The following USP6NL variants were observed in gnomAD, a reference collection of about 807,000 sequenced individuals.
USP6NL encodes the protein USP6 N-terminal like, also known as USP6 N-terminal-like protein.
In USP6NL, 26 loss-of-function variants were observed where a neutral mutation model predicts 61.9. That is an observed-to-expected ratio of 0.42 (90% confidence interval 0.31 to 0.58). The LOEUF (loss-of-function observed/expected upper bound fraction) is 0.58. Among genes scored for constraint, USP6NL ranks in the 20% least tolerant of loss-of-function variants. USP6NL has a pLI of 0.16. For missense variants in USP6NL, 1,114 were observed against 1,034.3 expected (o/e 1.08, Z -1.06); for synonymous variants, 432 against 390.1 (o/e 1.11, Z -1.27).
rs115877622 is a variant in USP6NL at position 11,495,414 on chromosome 10, G to T, written c.385-2186C>A. Among the ~76,000 whole-genome samples, 548 of 152,190 alleles carry T rather than the reference G, an allele frequency of 3.6e-3. 4 individuals carry two copies. Among genetic ancestry groups the T allele is most frequent in the African/African-American group, 0.013 (530 of 41,510 alleles). ...TCCTCGGTCTCTTGCCTCAGCACCT[G>T]GATGGCTTGCCGCCCACACCCTCCC... On this transcript the variant is annotated intron_variant, in intron 7 of 14. Transcript: ENST00000609104. The surrounding 1 kb of genome is among the most constrained non-coding windows in gnomAD (Gnocchi z 4.6).
intron 7 of USP6NL, among the ~76,000 whole-genome samples, chr10:11,500,619 T>C (rs1412175225): frequency 2.0e-5 from 3 of 152,170 alleles, no homozygotes; most frequent in Non-Finnish European, 2.9e-5. Context: ...AACCTAGAGA[T>C]ACCCTAATAA....
chr10:11,608,783 A>G (rs1564247949), intron 1 of USP6NL, among the ~76,000 whole-genome samples: 1 of 152,190 alleles, frequency 6.6e-6, no homozygotes, highest in East Asian at 1.9e-4. Flanking sequence ...ATCCTCCCCA[A>G]TTTTACAAAG....
At chr10:11,534,204 G>A (rs1055349752) in intron 2 of USP6NL, among the ~76,000 whole-genome samples, 1 of 152,182 alleles carries the variant, frequency 6.6e-6, no homozygotes, top group African/African-American at 2.4e-5. Context: ...TTCCATCACT[G>A]ACCTTCTTGC....
At chr10:11,543,377 T>G (rs1327955889) in intron 2 of USP6NL, among the ~76,000 whole-genome samples, 2 of 151,784 alleles carry the variant, frequency 1.3e-5, no homozygotes, top group Admixed American at 1.3e-4. Context: ...CCGTCTCTAC[T>G]AAAAAACACA....
At position 11,462,705 on chromosome 10, in the gene USP6NL, A is replaced by G. The variant is rs199580186; in HGVS notation, c.2223T>C (p.Tyr741=). The G allele has an allele frequency of 2.3e-4, 366 of 1,614,022 alleles. 1 individual carries two copies. In the African/African-American group the frequency reaches 4.2e-3, roughly 18 times the overall value. The change falls in exon 15 of 15, where the codon TAT becomes TAC. Residue 741 remains tyrosine, a synonymous_variant. Transcript: ENST00000609104. ...PDNRTWSEVS[Y]TYRPETQGQS... ...GTCCCTGCGTCTCAGGTCTGTATGT[A>G]TAACTAACTTCTGACCATGTTCTGT... is the stretch of plus-strand genomic sequence containing the variant.
At chr10:11,512,654 A>T (rs1834772260) in intron 5 of USP6NL, among the ~76,000 whole-genome samples, 1 of 152,200 alleles carries the variant, frequency 6.6e-6, no homozygotes, top group South Asian at 2.1e-4. Flanking sequence ...ACTATTTGTC[A>T]TTCCCATACA....
At chr10:11,516,841 T>C (rs753200458) in intron 5 of USP6NL, among the ~76,000 whole-genome samples, 18 of 152,352 alleles carry the variant, frequency 1.2e-4, no homozygotes, top group Admixed American at 5.2e-4. Context: ...TCATTTACTA[T>C]ATAGGCACAT....
intron 14 of USP6NL, among the ~76,000 whole-genome samples, chr10:11,475,703 C>T (rs552457065): frequency 1.2e-3 from 176 of 151,412 alleles, no homozygotes; most frequent in African/African-American, 4.0e-3. Context: ...TCAATGGAAG[C>T]CAAAAGCATG....
chr10:11,558,458 T>C (rs569774786), intron 2 of USP6NL, among the ~76,000 whole-genome samples: 2 of 152,162 alleles, frequency 1.3e-5, no homozygotes, highest in South Asian at 2.1e-4. Flanking sequence ...TCTACCCTTA[T>C]ATTCCCTGAA....
chr10:11,542,448 G>A (rs929425822), intron 2 of USP6NL, among the ~76,000 whole-genome samples: 2 of 152,206 alleles, frequency 1.3e-5, no homozygotes, highest in African/African-American at 4.8e-5. Context: ...GCTGGGCACA[G>A]TGGCTCATGC....
chr10:11,560,580 T>G (rs1047337708), intron 2 of USP6NL, among the ~76,000 whole-genome samples: 1 of 151,640 alleles, frequency 6.6e-6, no homozygotes. Flanking sequence ...AGCAACACTT[T>G]TGGGTTATCT....
chr10:11,463,737 C>T lies in USP6NL; in HGVS notation c.1191G>A (p.Pro397=), dbSNP rs374128834. 189 of 1,599,028 alleles carry T rather than the reference C, an allele frequency of 1.2e-4. No homozygotes were observed. The highest frequency in any genetic ancestry group is 1.2e-3 in the African/African-American group (86 of 74,600). Residue 397 remains proline, a synonymous_variant, in exon 15 of 15, where the codon CCG becomes CCA. Coordinates refer to ENST00000609104, the MANE Select transcript of USP6NL (RefSeq NM_014688.5). The surrounding 1 kb of genome is among the most constrained non-coding windows in gnomAD (Gnocchi z 6.3). ...NGQRSVGRPS[P]LASGRRESGA... ...CGCTCTCCCTCCTGCCGCTGGCCAGCGGGCTCGGCCGGCCCACGCTCCTCT... is the reference window on the plus strand; with the variant it reads ...CGCTCTCCCTCCTGCCGCTGGCCAGTGGGCTCGGCCGGCCCACGCTCCTCT...
rs889680405 is a variant in USP6NL at position 11,597,064 on chromosome 10, A to C, written c.4+567T>G. On this transcript the variant is annotated intron_variant, in intron 2 of 14. Coordinates refer to ENST00000609104, the MANE Select transcript of USP6NL (RefSeq NM_014688.5). The surrounding 1 kb of genome is among the most constrained non-coding windows in gnomAD (Gnocchi z 4.6). Reference sequence around the variant, plus strand: ...AAGAAACAGTTAACACAAAAAAGTAAAATCCAGTTCTCTTGTTCACAAGCA... The same window carrying C: ...AAGAAACAGTTAACACAAAAAAGTACAATCCAGTTCTCTTGTTCACAAGCA... 4.6e-5 allele frequency among the ~76,000 whole-genome samples: 7 copies of C among 152,102 alleles called. No individual in the cohort carries two copies. The highest frequency in any genetic ancestry group is 7.4e-5 in the Non-Finnish European group (5 of 68,022).
intron 2 of USP6NL, among the ~76,000 whole-genome samples, chr10:11,593,906 T>C (rs1838237192): frequency 6.6e-6 from 1 of 152,164 alleles, no homozygotes; most frequent in African/African-American, 2.4e-5. Flanking sequence ...TTTGATAACA[T>C]GGAAAGGGCT....
chr10:11,583,254 T>C (rs1837848622), intron 2 of USP6NL, among the ~76,000 whole-genome samples: 1 of 150,142 alleles, frequency 6.7e-6, no homozygotes, highest in African/African-American at 2.4e-5. Flanking sequence ...AGTGGCACCA[T>C]CTCTGCTCAC....
chr10:11,530,605 G>A (rs997023762), intron 2 of USP6NL, among the ~76,000 whole-genome samples: 5 of 152,310 alleles, frequency 3.3e-5, no homozygotes, highest in Admixed American at 3.3e-4. Context: ...TCTTATCCCT[G>A]AGTTACCCCA....
rs1377118229 is a variant in USP6NL at position 11,518,916 on chromosome 10, T to C, written c.156-342A>G. ...GTCACGTAGCTAGAAGCCACCATAT[T>C]GAACGGTACAGATATAGAACATTTC... is the stretch of plus-strand genomic sequence containing the variant. On this transcript the variant is annotated intron_variant, in intron 4 of 14. Coordinates refer to ENST00000609104, the MANE Select transcript of USP6NL (RefSeq NM_014688.5). The surrounding 1 kb of genome is among the most constrained non-coding windows in gnomAD (Gnocchi z 5.3). Among the ~76,000 whole-genome samples, 1 of 152,262 alleles carries C rather than the reference T, an allele frequency of 6.6e-6. No individual in the cohort carries two copies. The highest frequency in any genetic ancestry group is 1.5e-5 in the Non-Finnish European group (1 of 68,046).
chr10:11,541,254 T>C (rs1211429399), intron 2 of USP6NL, among the ~76,000 whole-genome samples: 1 of 129,374 alleles, frequency 7.7e-6, no homozygotes, highest in African/African-American at 2.8e-5. Context: ...TATATATATA[T>C]ATATATATAT....
chr10:11,502,634 A>C (rs1834249220), intron 6 of USP6NL, among the ~76,000 whole-genome samples: 1 of 152,238 alleles, frequency 6.6e-6, no homozygotes, highest in Admixed American at 6.5e-5. Flanking sequence ...CAAGGCTTTA[A>C]CTATTACACT....
Sources: gnomAD v4.1 joint callset for allele counts (sites outside exome capture counted in the v4.1 genomes callset) on GRCh38, gnomAD v4.1.1 for gene constraint, Gnocchi (gnomAD v3.1) non-coding constraint, MANE v1.5 for transcripts, NCBI Gene and HGNC (gene_info 2026-07-23, HGNC 2026-07-21) for gene names.